Variants in EWSR1 observed in about 807,000 individuals in gnomAD.
EWSR1 encodes EWS RNA binding protein 1.
EWSR1 carries 14 observed loss-of-function variants against 92.1 expected under a neutral mutation model. That is an observed-to-expected ratio of 0.15 (90% CI 0.10 to 0.24). The LOEUF is 0.24. Among genes scored for constraint, EWSR1 ranks in the 10% least tolerant of loss-of-function variants. The probability of loss-of-function intolerance (pLI) is 1.00; values close to 1 mark genes in which losing one functional copy is unlikely to be tolerated. For synonymous variants in EWSR1, 303 were observed against 292.9 expected (o/e 1.03, Z -0.35); for missense variants, 637 against 870.9 (o/e 0.73, Z 3.38).
At chr22:29,293,217 G>A (rs780066733) in intron 11 of EWSR1, among the ~76,000 whole-genome samples, 1 of 151,730 alleles carries the variant, frequency 6.6e-6, no homozygotes, top group Non-Finnish European at 1.5e-5. Context: ...CCTGTTGGCC[G>A]GGCTGGTCTC....
chr22:29,295,100 C>T (rs2060750187), intron 11 of EWSR1, among the ~76,000 whole-genome samples: 1 of 151,642 alleles, frequency 6.6e-6, no homozygotes. Flanking sequence ...GAGTCTTGCT[C>T]TGTTGCCCAG....
chr22:29,298,195 G>T (rs957096069), intron 13 of EWSR1, among the ~76,000 whole-genome samples: 6 of 152,192 alleles, frequency 3.9e-5, no homozygotes, highest in Admixed American at 1.3e-4. Context: ...GTATAGACAT[G>T]CCTATTCCTT....
rs942197755 is a variant in EWSR1 at position 29,300,338 on chromosome 22, T to C, written c.*177T>C. 3.9e-5 allele frequency: 24 copies of C among 623,018 alleles called. No individual in the cohort carries two copies. In the South Asian group the frequency reaches 6.7e-4, roughly 17 times the overall value. The allele number at this position is 623,018 out of a possible 1,614,324, so 38.6% of individuals were successfully genotyped here. ...AACATTAAAACAAGTTAAATGGTAG[T>C]GTGCGGAGTTTTTTTTTCTTCCTTC... On this transcript the variant is annotated 3_prime_UTR_variant, in exon 17 of 17. Transcript: ENST00000397938.
chr22:29,299,983 ACCTGGGGGCTCTGG>A, intron 16 of EWSR1, 125 bp from the exon 17 acceptor site: 1 of 1,425,770 alleles, frequency 7.0e-7, no homozygotes, highest in Non-Finnish European at 9.5e-7. Context: ...AGGAAGGGGC[ACCTGGGGGCTCTGG>A]AAGGGCTTCC....
In EWSR1 at chr22:29,296,244, C is replaced by A; in HGVS notation, c.1170C>A (p.Asn390Lys). 2 of 1,613,850 alleles carry A rather than the reference C, an allele frequency of 1.2e-6. No individual in the cohort carries two copies. Among genetic ancestry groups the A allele is most frequent in the Non-Finnish European group, 1.7e-6 (2 of 1,179,926 alleles). The change falls in exon 12 of 17, where the codon AAC (asparagine) becomes AAA (lysine). Residue 390 changes from asparagine to lysine, a missense_variant. By Grantham distance (94) the Asn-to-Lys change is moderately conservative. Around this residue, in one of 5 missense-constraint regions of EWSR1, gnomAD observed 363 missense variants for 447.8 expected, o/e 0.81. Coordinates refer to ENST00000397938, the MANE Select transcript of EWSR1 (RefSeq NM_005243.4). ...FFKQCGVVKM[N>K]KRTGQPMIHI... Reference sequence around the variant, plus strand: ...CTATGCTATTCTTTGTCTAGATGAACAAGAGAACTGGGCAACCCATGATCC... The same window carrying A: ...CTATGCTATTCTTTGTCTAGATGAAAAAGAGAACTGGGCAACCCATGATCC...
Position 29,299,348 on chromosome 22 carries a change from T to TGAGTGTCCCC in EWSR1, c.1678+18_1678+27dup. ...CGCCCCCGGGTAGGTGCAGGTTTCATGAGTGTCCCCTCAGCTTCCTGGTGC... is the reference window on the plus strand; with the variant it reads ...CGCCCCCGGGTAGGTGCAGGTTTCATGAGTGTCCCCGAGTGTCCCCTCAGCTTCCTGGTGC... On this transcript the variant is annotated intron_variant, in intron 15 of 16. Transcript: ENST00000397938. The TGAGTGTCCCC allele has an allele frequency of 5.0e-6, 8 of 1,609,052 alleles. No individual in the cohort carries two copies. Among genetic ancestry groups the TGAGTGTCCCC allele is most frequent in the Non-Finnish European group, 6.8e-6 (8 of 1,175,976 alleles).
chr22:29,295,882 A>G (rs2060820956), intron 11 of EWSR1: 1 of 265,682 alleles, frequency 3.8e-6, no homozygotes, highest in South Asian at 9.4e-5. Context: ...TATGCCAGTC[A>G]TGTCTTATGT....
intron 1 of EWSR1, among the ~76,000 whole-genome samples, chr22:29,271,370 A>G (rs911772417): frequency 6.6e-6 from 1 of 152,328 alleles, no homozygotes; most frequent in South Asian, 2.1e-4. Context: ...TCAGTGGACC[A>G]GTTTTTGGTC....
At chr22:29,285,821 A>G (rs929129203) in intron 6 of EWSR1, among the ~76,000 whole-genome samples, 3 of 150,024 alleles carry the variant, frequency 2.0e-5, no homozygotes, top group Non-Finnish European at 4.4e-5. Flanking sequence ...CCTGCCTTGA[A>G]TATAGTTGAA....
chr22:29,281,126 GTC>G (rs1350958423), intron 5 of EWSR1, among the ~76,000 whole-genome samples: 1 of 151,864 alleles, frequency 6.6e-6, no homozygotes, highest in Non-Finnish European at 1.5e-5. Context: ...TGATCCTCCT[GTC>G]TCAGCCTCCC....
intron 4 of EWSR1, chr22:29,277,591 C>G: frequency 4.3e-6 from 1 of 231,050 alleles, no homozygotes; most frequent in Non-Finnish European, 8.6e-6. Context: ...TTTTAAAATG[C>G]TATGTCATTT....
At chr22:29,268,919 G>C (rs1037804306) in intron 1 of EWSR1, among the ~76,000 whole-genome samples, 1 of 152,264 alleles carries the variant, frequency 6.6e-6, no homozygotes, top group Non-Finnish European at 1.5e-5. Context: ...CTGCCGAGCT[G>C]CCCCCTCTGT....
intron 4 of EWSR1, chr22:29,275,755 A>G: frequency 8.7e-6 from 2 of 229,504 alleles, no homozygotes; most frequent in Middle Eastern, 1.3e-3. Context: ...ATTAAACTTC[A>G]GAAGAAAGGG....
At chr22:29,288,828 T>A (rs1434132042) in intron 8 of EWSR1, 42 bp downstream of exon 8, 2 of 1,488,304 alleles carry the variant, frequency 1.3e-6, no homozygotes, top group African/African-American at 2.8e-5. Flanking sequence ...TTTTGTTTCA[T>A]CCATAGGATT....
intron 6 of EWSR1, among the ~76,000 whole-genome samples, chr22:29,284,946 A>G (rs1250337958): frequency 6.6e-6 from 1 of 150,970 alleles, no homozygotes; most frequent in South Asian, 2.1e-4. Context: ...CAGCCTCCCA[A>G]GTAGCTGGCA....
intron 6 of EWSR1, among the ~76,000 whole-genome samples, chr22:29,285,738 A>G (rs1798424002): frequency 1.3e-5 from 2 of 151,334 alleles, no homozygotes; most frequent in African/African-American, 2.5e-5. Context: ...CTCAGTCCCC[A>G]TTTCACTGGG....
chr22:29,293,992 C>T (rs750049940), intron 11 of EWSR1, among the ~76,000 whole-genome samples: 4 of 151,932 alleles, frequency 2.6e-5, no homozygotes, highest in Non-Finnish European at 5.9e-5. Flanking sequence ...CCTCAGCCTC[C>T]CGAGTAGCTG....
intron 3 of EWSR1, 134 bp from the exon 4 acceptor site, chr22:29,273,594 TTTGTCTTGTTTTG>T: frequency 1.1e-6 from 1 of 870,256 alleles, no homozygotes; most frequent in South Asian, 1.8e-5. Context: ...ACTGTGATTA[TTTGTCTTGTTTTG>T]TTGTTTTTGT....
intron 8 of EWSR1, 73 bp from the exon 9 acceptor site, chr22:29,291,489 G>T: frequency 6.8e-7 from 1 of 1,466,712 alleles, no homozygotes; most frequent in East Asian, 2.3e-5. Context: ...TCTTCCCCAC[G>T]AGCCCCCCCA....
Sources: allele counts gnomAD v4.1 joint callset (sites outside exome capture counted in the v4.1 genomes callset), GRCh38; gene constraint gnomAD v4.1.1; regional missense constraint gnomAD v4.1.1; transcripts MANE v1.5; gene names NCBI Gene and HGNC (gene_info 2026-07-23, HGNC 2026-07-21).